Variants in ASIC2 observed in about 807,000 individuals in gnomAD.
ASIC2 encodes the protein acid-sensing ion channel 2.
Under a neutral mutation model 57.3 loss-of-function variants are expected in ASIC2, and 25 were observed. The observed-to-expected ratio is 0.44, with a 90% CI of 0.32 to 0.61. The LOEUF (loss-of-function observed/expected upper bound fraction) is 0.61, where lower values mean the gene tolerates loss of function less well. Ranked by LOEUF, ASIC2 falls within the 20% of genes least tolerant of loss-of-function variation. The probability of loss-of-function intolerance (pLI) is 0.06; values close to 1 mark genes in which losing one functional copy is unlikely to be tolerated. For missense variants in ASIC2, 641 were observed against 738.1 expected (o/e 0.87, Z 1.52); for synonymous variants, 319 against 307.5 (o/e 1.04, Z -0.39).
intron 2 of ASIC2, among the ~76,000 whole-genome samples, chr17:33,093,111 G>A (rs1412663351): frequency 1.3e-5 from 2 of 152,160 alleles, no homozygotes; most frequent in African/African-American, 2.4e-5. Flanking sequence ...GGGTCCCAGT[G>A]CCAAATGAAA....
In ASIC2 at chr17:33,797,810, C is replaced by G. The variant is rs573277295; in HGVS notation, c.555+358168G>C. Among the ~76,000 whole-genome samples the G allele has an allele frequency of 3.3e-5, 5 of 152,268 alleles. No individual in the cohort carries two copies. In the South Asian group the frequency reaches 1.0e-3, roughly 32 times the overall value. ...ACTCTTGGCCTTTGGGGACACTGCT[C>G]AGTGCTTGCAGCAGGGAAGGAGGTG... On this transcript the variant is annotated intron_variant, in intron 1 of 9. Transcript: ENST00000359872.
chr17:33,196,348 C>G (rs1906629193), intron 1 of ASIC2, among the ~76,000 whole-genome samples: 1 of 151,404 alleles, frequency 6.6e-6, no homozygotes. Context: ...TGATGATGAT[C>G]ACTTCTAGAA....
intron 1 of ASIC2, among the ~76,000 whole-genome samples, chr17:33,826,351 T>C (rs1425037690): frequency 1.3e-5 from 2 of 152,186 alleles, no homozygotes; most frequent in Non-Finnish European, 2.9e-5. Flanking sequence ...ACATCCCTTT[T>C]TGGGGGAGTG....
chr17:33,372,157 G>C (rs1017375560), intron 1 of ASIC2, among the ~76,000 whole-genome samples: 3 of 152,124 alleles, frequency 2.0e-5, no homozygotes, highest in Admixed American at 1.3e-4. Flanking sequence ...CCTGCTGCGA[G>C]TGTCCATGTT....
rs148016773 is a variant in ASIC2 at position 34,000,029 on chromosome 17, T to C, written c.555+155949A>G. On this transcript the variant is annotated intron_variant, in intron 1 of 9. Coordinates refer to the ASIC2 transcript ENST00000359872. ...AAGGACAGCTTTCTTAAGTATAGTA[T>C]TTTTGGTTGAAAGTGTTATTGTTGT... 2.3e-3 allele frequency among the ~76,000 whole-genome samples: 349 copies of C among 151,484 alleles called. 3 individuals are homozygous for C. The highest frequency in any genetic ancestry group is 8.1e-3 in the African/African-American group (332 of 41,024).
Position 33,014,035 on chromosome 17 carries a change from T to G in ASIC2, c.1622A>C (p.Glu541Ala). 5.0e-6 allele frequency: 8 copies of G among 1,604,428 alleles called. No individual in the cohort carries two copies. The South Asian group carries it at 9.0e-5, about 18-fold the overall frequency. Reference sequence around the variant, plus strand: ...CACGTTCACAGTGTGACTGATGGTTTCAGAGTGGTTTGGCATTGTGTCACA... The same window carrying G: ...CACGTTCACAGTGTGACTGATGGTTGCAGAGTGGTTTGGCATTGTGTCACA... ...STCDTMPNHS[E>A]TISHTVNVPL... The change falls in exon 10 of 10, where the codon GAA (glutamate) becomes GCA (alanine). Residue 541 changes from glutamate to alanine, a missense_variant. By Grantham distance (107) the Glu-to-Ala change is moderately radical. Around this residue, in one of 3 missense-constraint regions of ASIC2, gnomAD observed 252 missense variants for 319.8 expected, o/e 0.79. Transcript: ENST00000225823.
At chr17:33,167,550 T>G (rs992784967) in intron 1 of ASIC2, among the ~76,000 whole-genome samples, 3 of 152,160 alleles carry the variant, frequency 2.0e-5, no homozygotes, top group African/African-American at 7.2e-5. Flanking sequence ...TAATGTTACC[T>G]GTGATGCTAA....
intron 1 of ASIC2, chr17:34,002,626 C>T (rs1440516317): frequency 6.6e-6 from 1 of 152,162 alleles, no homozygotes; most frequent in African/African-American, 2.4e-5. Context: ...TTAAAAATTC[C>T]AACATCTTCA....
At chr17:33,101,847 T>C (rs753639630) in intron 2 of ASIC2, among the ~76,000 whole-genome samples, 3 of 152,346 alleles carry the variant, frequency 2.0e-5, no homozygotes, top group Non-Finnish European at 2.9e-5. Context: ...TATTTTGTTT[T>C]TCCTGTTTTT....
At chr17:33,457,626 ATGC>A (rs892687092) in intron 1 of ASIC2, among the ~76,000 whole-genome samples, 31 of 152,302 alleles carry the variant, frequency 2.0e-4, no homozygotes, top group Admixed American at 1.9e-3. Context: ...TACACTAATG[ATGC>A]TGCTGCTGCT....
chr17:33,142,557 C>G (rs1159551551), intron 1 of ASIC2, among the ~76,000 whole-genome samples: 1 of 152,194 alleles, frequency 6.6e-6, no homozygotes, highest in Non-Finnish European at 1.5e-5. Flanking sequence ...AGCAGGTTCT[C>G]TCTCTCTGAA....
chr17:33,200,269 C>T (rs950047244), intron 1 of ASIC2, among the ~76,000 whole-genome samples: 3 of 152,196 alleles, frequency 2.0e-5, no homozygotes, highest in African/African-American at 4.8e-5. Context: ...TGCCTGGCAT[C>T]GAGTCAACAT....
At chr17:33,404,028 T>C (rs564198895) in intron 1 of ASIC2, among the ~76,000 whole-genome samples, 35 of 152,328 alleles carry the variant, frequency 2.3e-4, no homozygotes, top group African/African-American at 7.2e-4. Flanking sequence ...TGAAAACAAG[T>C]TTCATTTCTT....
chr17:34,098,990 G>C (rs930703143), intron 1 of ASIC2, among the ~76,000 whole-genome samples: 1 of 151,922 alleles, frequency 6.6e-6, no homozygotes, highest in South Asian at 2.1e-4. Context: ...TTTGGTGGGG[G>C]AGGTGACATT....
At chr17:33,034,123 AG>A (rs572294959) in intron 3 of ASIC2, among the ~76,000 whole-genome samples, 2 of 152,110 alleles carry the variant, frequency 1.3e-5, no homozygotes, top group Non-Finnish European at 2.9e-5. Context: ...GCCTGCAGAG[AG>A]GAGCTACCCA....
intron 1 of ASIC2, chr17:34,036,913 A>C (rs1348432110): frequency 6.6e-6 from 1 of 152,492 alleles, no homozygotes; most frequent in East Asian, 1.9e-4. Context: ...TGAGGGAAGC[A>C]ATTGCAAACA....
intron 1 of ASIC2, among the ~76,000 whole-genome samples, chr17:33,151,321 C>CCGAGATAG (rs1297011831): frequency 6.6e-6 from 1 of 151,592 alleles, no homozygotes; most frequent in African/African-American, 2.4e-5. Context: ...TTACAGTGAG[C>CCGAGATAG]CGAGATAGCG....
At chr17:33,305,699 C>T (rs573692040) in intron 1 of ASIC2, among the ~76,000 whole-genome samples, 5 of 152,042 alleles carry the variant, frequency 3.3e-5, no homozygotes, top group African/African-American at 9.6e-5. Flanking sequence ...GTATAATCCG[C>T]GTAAGGATAT....
At chr17:33,746,986 C>G (rs1204340313) in intron 1 of ASIC2, among the ~76,000 whole-genome samples, 1 of 152,036 alleles carries the variant, frequency 6.6e-6, no homozygotes, top group African/African-American at 2.4e-5. Flanking sequence ...TAGAAGAAGA[C>G]TTTGAGATGA....
Sources: allele counts gnomAD v4.1 joint callset (sites outside exome capture counted in the v4.1 genomes callset), GRCh38; gene constraint gnomAD v4.1.1; regional missense constraint gnomAD v4.1.1; transcripts MANE v1.5; gene names NCBI Gene and HGNC (gene_info 2026-07-23, HGNC 2026-07-21).